RNF217: variants seen among roughly 807,000 people sequenced by gnomAD.
RNF217 encodes the protein E3 ubiquitin-protein ligase RNF217.
Under a neutral mutation model 57.8 loss-of-function variants are expected in RNF217, and 31 were observed. The ratio of observed to expected loss-of-function variants is 0.54; its 90% CI spans 0.40 to 0.72. The LOEUF (loss-of-function observed/expected upper bound fraction) is 0.72, where lower values mean the gene tolerates loss of function less well. Ranked by LOEUF, RNF217 falls within the 30% of genes least tolerant of loss-of-function variation. The probability of loss-of-function intolerance (pLI) is 0.00; values close to 1 mark genes in which losing one functional copy is unlikely to be tolerated. For synonymous variants in RNF217, 313 were observed against 294.0 expected (o/e 1.06, Z -0.66); for missense variants, 696 against 708.3 (o/e 0.98, Z 0.20).
rs756176528 is a variant in RNF217, at chr6:125,057,923, T to C, written c.1117-19T>C. The stretch of plus-strand genomic sequence containing the variant: ...TCAGTATATCCACTAGTAATTAATA[T>C]GATTTTTTTCTTACACAGATCCAGT... On this transcript the variant is annotated intron_variant, in intron 2 of 5. Coordinates refer to ENST00000521654, the MANE Select transcript of RNF217 (RefSeq NM_001286398.3). The C allele has an allele frequency of 1.3e-5, 21 of 1,580,130 alleles. No homozygotes were observed. Among genetic ancestry groups the C allele is most frequent in the Middle Eastern group, 3.4e-4 (2 of 5,940 alleles).
At chr6:124,965,180 G>A (rs959366223) in intron 1 of RNF217, among the ~76,000 whole-genome samples, 1 of 152,204 alleles carries the variant, frequency 6.6e-6, no homozygotes, top group Non-Finnish European at 1.5e-5. Context: ...AAACTCCTCT[G>A]CAGTGACACA....
At chr6:124,999,495 C>G (rs1459140216) in intron 1 of RNF217, among the ~76,000 whole-genome samples, 1 of 151,522 alleles carries the variant, frequency 6.6e-6, no homozygotes, top group Non-Finnish European at 1.5e-5. Flanking sequence ...GGTTCAAACT[C>G]ATTGTTATGT....
chr6:124,990,134 T>C (rs561002499), intron 1 of RNF217, among the ~76,000 whole-genome samples: 3 of 152,362 alleles, frequency 2.0e-5, no homozygotes, highest in Non-Finnish European at 4.4e-5. Context: ...TTCACTTGAC[T>C]TCAAGGACAC....
chr6:124,993,820 G>A (rs1441976697), intron 1 of RNF217, among the ~76,000 whole-genome samples: 1 of 151,950 alleles, frequency 6.6e-6, no homozygotes, highest in Non-Finnish European at 1.5e-5. Context: ...AGTGTGTCAG[G>A]GCTAAGAGTG....
chr6:125,022,928 T>C (rs987533171), intron 1 of RNF217, among the ~76,000 whole-genome samples: 6 of 152,128 alleles, frequency 3.9e-5, no homozygotes, highest in African/African-American at 1.4e-4. Context: ...TCTTTTTGAA[T>C]TTCAACAATT....
chr6:125,029,156 G>A (rs1354399042), intron 1 of RNF217, among the ~76,000 whole-genome samples: 5 of 152,122 alleles, frequency 3.3e-5, no homozygotes. Flanking sequence ...AGAGTTTGGA[G>A]TATATTCTTT....
At chr6:124,997,816 C>T (rs1335846866) in intron 1 of RNF217, among the ~76,000 whole-genome samples, 1 of 152,154 alleles carries the variant, frequency 6.6e-6, no homozygotes, top group Admixed American at 6.5e-5. Context: ...TTTCTAGACT[C>T]TACTAACTTA....
At chr6:124,966,980 C>A (rs1270167011) in intron 1 of RNF217, among the ~76,000 whole-genome samples, 2 of 152,194 alleles carry the variant, frequency 1.3e-5, no homozygotes, top group Non-Finnish European at 2.9e-5. Flanking sequence ...AGTGGAATAA[C>A]TTTACAGTGC....
At chr6:124,999,034 C>T (rs2114264829) in intron 1 of RNF217, among the ~76,000 whole-genome samples, 1 of 152,216 alleles carries the variant, frequency 6.6e-6, no homozygotes, top group East Asian at 1.9e-4. Flanking sequence ...TAGTATAGAG[C>T]TTGCAGTTGA....
intron 1 of RNF217, among the ~76,000 whole-genome samples, chr6:125,030,186 C>A (rs1441711785): frequency 6.6e-6 from 1 of 152,108 alleles, no homozygotes; most frequent in Non-Finnish European, 1.5e-5. Flanking sequence ...GTTACCTCCC[C>A]CTGGGTCCCT....
chr6:125,071,325 G>T (rs1314401056), intron 3 of RNF217, among the ~76,000 whole-genome samples: 1 of 152,128 alleles, frequency 6.6e-6, no homozygotes. Context: ...TGTGCAGCTG[G>T]CAGTCACCCG....
At chr6:125,076,095 A>G (rs1788356313) in intron 3 of RNF217, among the ~76,000 whole-genome samples, 1 of 152,202 alleles carries the variant, frequency 6.6e-6, no homozygotes, top group Non-Finnish European at 1.5e-5. Flanking sequence ...TTGTACAAAC[A>G]GTTCTACAAA....
chr6:124,977,947 A>G (rs1262515052), intron 1 of RNF217, among the ~76,000 whole-genome samples: 1 of 152,120 alleles, frequency 6.6e-6, no homozygotes, highest in Admixed American at 6.5e-5. Context: ...TCTGTTCTCT[A>G]GTATACAGTT....
intron 2 of RNF217, among the ~76,000 whole-genome samples, chr6:125,046,256 A>G (rs1787095780): frequency 6.6e-6 from 1 of 152,122 alleles, no homozygotes; most frequent in Admixed American, 6.6e-5. Flanking sequence ...AGAGCAGATC[A>G]TGTTGAGTCT....
intron 1 of RNF217, among the ~76,000 whole-genome samples, chr6:125,009,680 C>G (rs1785346446): frequency 6.6e-6 from 1 of 151,788 alleles, no homozygotes; most frequent in Non-Finnish European, 1.5e-5. Context: ...TTGTATGATC[C>G]CTCTAAAAAC....
chr6:125,019,076 G>A (rs1472655219), intron 1 of RNF217, among the ~76,000 whole-genome samples: 2 of 152,020 alleles, frequency 1.3e-5, no homozygotes, highest in East Asian at 1.9e-4. Flanking sequence ...AAAAAAGCCC[G>A]CTTGCCTCTG....
At chr6:125,076,556 TTTTG>T (rs1788380110) in intron 3 of RNF217, 97 bp from the exon 4 acceptor site, 2 of 720,102 alleles carry the variant, frequency 2.8e-6, no homozygotes, top group Non-Finnish European at 4.9e-6. Context: ...GAGACTTTTA[TTTTG>T]GTGAAACTGG....
intron 1 of RNF217, among the ~76,000 whole-genome samples, chr6:125,019,077 C>T (rs1458642880): frequency 1.3e-5 from 2 of 152,096 alleles, no homozygotes; most frequent in Admixed American, 6.6e-5. Context: ...AAAAAGCCCG[C>T]TTGCCTCTGA....
intron 1 of RNF217, among the ~76,000 whole-genome samples, chr6:125,028,182 A>C (rs1449081686): frequency 6.6e-6 from 1 of 152,014 alleles, no homozygotes. Flanking sequence ...TCCTATTCTT[A>C]ATGCCAGATA....
Sources: gnomAD v4.1 joint callset for allele counts (sites outside exome capture counted in the v4.1 genomes callset) on GRCh38, gnomAD v4.1.1 for gene constraint, MANE v1.5 for transcripts, NCBI Gene and HGNC (gene_info 2026-07-23, HGNC 2026-07-21) for gene names.